Variants in BST1 observed in about 807,000 individuals in gnomAD.
The protein encoded by BST1 is ADP-ribosyl cyclase/cyclic ADP-ribose hydrolase 2.
In BST1, 49 loss-of-function variants were observed where a neutral mutation model predicts 40.6. The observed-to-expected ratio is 1.21, with a 90% confidence interval of 0.96 to 1.53. The LOEUF is 1.53. Ranked by LOEUF, BST1 falls within the 40% of genes most tolerant of loss-of-function variation. The pLI is 0.00. For missense variants in BST1, 423 were observed against 395.9 expected (o/e 1.07, Z -0.58); for synonymous variants, 157 against 159.3 (o/e 0.99, Z 0.11).
chr4:15,736,157 A>G (rs913575845), downstream of BST1: 5 of 1,278,010 alleles, frequency 3.9e-6, no homozygotes, highest in African/African-American at 7.7e-5. Flanking sequence ...CAAACATATC[A>G]TTGCCTCCTG....
At chr4:15,715,672 C>A in intron 5 of BST1, 35 bp from the exon 6 acceptor site, 1 of 1,375,790 alleles carries the variant, frequency 7.3e-7, no homozygotes, top group South Asian at 1.3e-5. Flanking sequence ...GAAAAGATAT[C>A]ATATTGCTTT....
chr4:15,765,697 A>G, the BST1 span, among the ~76,000 whole-genome samples: 1 of 151,856 alleles, frequency 6.6e-6, no homozygotes, highest in Non-Finnish European at 1.5e-5. Context: ...CTCTGTCTGG[A>G]GCCCTGTTCC....
intron 3 of BST1, 152 bp downstream of exon 3, chr4:15,707,798 T>A: frequency 1.1e-6 from 1 of 937,720 alleles, no homozygotes; most frequent in Non-Finnish European, 1.5e-6. Flanking sequence ...ATAACAATAC[T>A]AGAGAATACT....
the BST1 span, among the ~76,000 whole-genome samples, chr4:15,758,428 A>G: frequency 6.6e-6 from 1 of 152,228 alleles, no homozygotes; most frequent in South Asian, 2.1e-4. Context: ...CAATACACTT[A>G]GGACAATGGC....
At chr4:15,773,447 C>CT in the BST1 span, among the ~76,000 whole-genome samples, 459 of 152,338 alleles carry the variant, frequency 3.0e-3, 5 homozygotes, top group African/African-American at 0.011. Flanking sequence ...TCTTTGGTCC[C>CT]TTCAGGACCT....
At chr4:15,758,467 G>A in the BST1 span, among the ~76,000 whole-genome samples, 1,135 of 152,180 alleles carry the variant, frequency 7.5e-3, 12 homozygotes, top group African/African-American at 0.025. Flanking sequence ...CATCTTTTGC[G>A]GCTGTATCCA....
At chr4:15,720,750 C>T (rs1720766308) in intron 7 of BST1, among the ~76,000 whole-genome samples, 1 of 151,978 alleles carries the variant, frequency 6.6e-6, no homozygotes, top group Non-Finnish European at 1.5e-5. Context: ...ATGATGGTGC[C>T]ACTGCACTCT....
At chr4:15,752,079 CT>C in the BST1 span, among the ~76,000 whole-genome samples, 2 of 152,114 alleles carry the variant, frequency 1.3e-5, no homozygotes, top group African/African-American at 4.8e-5. Context: ...CAGATTTGTG[CT>C]TTGATCATTA....
the BST1 span, among the ~76,000 whole-genome samples, chr4:15,743,960 G>C: frequency 6.6e-6 from 1 of 152,190 alleles, no homozygotes; most frequent in Non-Finnish European, 1.5e-5. Flanking sequence ...GGGTGAGAGA[G>C]GCAGTGGCTA....
chr4:15,756,074 G>T, the BST1 span, among the ~76,000 whole-genome samples: 1 of 151,952 alleles, frequency 6.6e-6, no homozygotes, highest in African/African-American at 2.4e-5. Context: ...TCTTCATTTT[G>T]AAAATAACCA....
downstream of BST1, among the ~76,000 whole-genome samples, chr4:15,738,943 T>C (rs2286880): frequency 0.032 from 4,924 of 152,330 alleles, 369 homozygotes; most frequent in East Asian, 0.35. Context: ...CATTTCCATT[T>C]CAGTCTTTCT....
At chr4:15,751,937 G>C in the BST1 span, among the ~76,000 whole-genome samples, 1 of 152,266 alleles carries the variant, frequency 6.6e-6, no homozygotes, top group East Asian at 1.9e-4. Flanking sequence ...ATGGCAGTGG[G>C]AACGTGGCTC....
chr4:15,731,543 G>T (rs1263793921), intron 8 of BST1, 197 bp from the exon 9 acceptor site: 8 of 1,025,180 alleles, frequency 7.8e-6, no homozygotes, highest in Non-Finnish European at 1.2e-5. Context: ...ACCATCTCCA[G>T]AAACTTGGGG....
chr4:15,706,951 A>G (rs1719910824), intron 2 of BST1, among the ~76,000 whole-genome samples: 1 of 152,230 alleles, frequency 6.6e-6, no homozygotes, highest in Admixed American at 6.5e-5. Flanking sequence ...GGGTCAGATG[A>G]AATAGTGACT....
At chr4:15,765,332 T>C in the BST1 span, among the ~76,000 whole-genome samples, 848 of 152,094 alleles carry the variant, frequency 5.6e-3, 22 homozygotes, top group African/African-American at 0.019. Context: ...CTTTAAAATA[T>C]ATTCAGAATT....
At chr4:15,731,072 G>T in intron 8 of BST1, 1 of 490,986 alleles carries the variant, frequency 2.0e-6, no homozygotes, top group Non-Finnish European at 3.8e-6. Context: ...AAGTTGACAG[G>T]CAGGTGACTG....
intron 7 of BST1, among the ~76,000 whole-genome samples, chr4:15,721,980 C>T (rs1316258581): frequency 6.6e-6 from 1 of 152,086 alleles, no homozygotes; most frequent in African/African-American, 2.4e-5. Flanking sequence ...CCTAACTCCC[C>T]GTGTGCCACC....
chr4:15,720,474 G>A (rs570270103), intron 7 of BST1, among the ~76,000 whole-genome samples: 47 of 151,946 alleles, frequency 3.1e-4, no homozygotes, highest in Admixed American at 6.6e-4. Context: ...AAAATTAGCC[G>A]CGTGTGGTGA....
intron 4 of BST1, among the ~76,000 whole-genome samples, chr4:15,714,453 C>CA (rs1720397438): frequency 6.6e-6 from 1 of 152,226 alleles, no homozygotes; most frequent in Admixed American, 6.5e-5. Flanking sequence ...CCATGCCCCT[C>CA]AAATGACTGT....
Sources: gnomAD v4.1 joint callset for allele counts (sites outside exome capture counted in the v4.1 genomes callset) on GRCh38, gnomAD v4.1.1 for gene constraint, MANE v1.5 for transcripts, NCBI Gene and HGNC (gene_info 2026-07-23, HGNC 2026-07-21) for gene names.